The following NMNAT1 variants were observed in gnomAD, a reference collection of about 807,000 sequenced individuals.
NMNAT1 encodes nicotinamide/nicotinic acid mononucleotide adenylyltransferase 1.
In NMNAT1, 11 loss-of-function variants were observed where a neutral mutation model predicts 16.7. The ratio of observed to expected loss-of-function variants is 0.66; its 90% CI spans 0.41 to 1.09. The LOEUF (loss-of-function observed/expected upper bound fraction) is 1.09, where lower values mean the gene tolerates loss of function less well. Among genes scored for constraint, NMNAT1 ranks in the 50% least tolerant of loss-of-function variants. The pLI, the probability that NMNAT1 is intolerant of heterozygous loss-of-function variation, is 0.00. For missense variants in NMNAT1, 280 were observed against 332.3 expected, an observed-to-expected ratio of 0.84 and a Z score of 1.22; for synonymous variants, 110 against 119.8, an observed-to-expected ratio of 0.92 and a Z score of 0.53.
chr1:9,980,728 C>T lies in NMNAT1; in HGVS notation c.300-303C>T, dbSNP rs1190111505. On this transcript the variant is annotated intron_variant, in intron 3 of 4. Coordinates refer to ENST00000377205, the MANE Select transcript of NMNAT1 (RefSeq NM_022787.4). ...TTGGAGTGCAGTGGTGCGGTCTTGG[C>T]TCACTGCAACCTCTGCCTCCCAGGT... Among the ~76,000 whole-genome samples the T allele has an allele frequency of 4.0e-5, 6 of 151,620 alleles. No individual in the cohort carries two copies. The East Asian group carries it at 1.2e-3, about 30-fold the overall frequency.
At chr1:9,989,694 C>T (rs1297270535), downstream of NMNAT1, among the ~76,000 whole-genome samples, 1 of 152,172 alleles carries the variant, frequency 6.6e-6, no homozygotes. Context: ...AATTTCCATG[C>T]ATTTACCATC....
chr1:9,969,231 T>C (rs1641634587), intron 1 of NMNAT1, among the ~76,000 whole-genome samples: 1 of 152,142 alleles, frequency 6.6e-6, no homozygotes, highest in African/African-American at 2.4e-5. Context: ...CAGCTCTTTT[T>C]GAAGAAACTT....
intron 1 of NMNAT1, among the ~76,000 whole-genome samples, chr1:9,969,150 G>A (rs1417134117): frequency 3.9e-5 from 6 of 152,026 alleles, no homozygotes; most frequent in Admixed American, 1.3e-4. Flanking sequence ...AAAGACCTGC[G>A]GTACTGACAG....
intron 3 of NMNAT1, among the ~76,000 whole-genome samples, chr1:9,977,751 G>C (rs940473820): frequency 6.6e-6 from 1 of 151,996 alleles, no homozygotes; most frequent in African/African-American, 2.4e-5. Flanking sequence ...CCAGCTACTA[G>C]GGAGGCTGAG....
Position 9,982,382 on chromosome 1 carries a change from T to C in NMNAT1, c.521T>C (p.Ile174Thr). Residue 174 changes from isoleucine (I) to threonine (T), a missense_variant, in exon 5 of 5, where the codon ATC (isoleucine) becomes ACC (threonine). By Grantham distance (89) the Ile-to-Thr change is moderately conservative. Transcript: ENST00000377205. ...AVPNLWKSEDITQIVANYGLI... is the reference protein window; with the variant it reads ...AVPNLWKSEDTTQIVANYGLI... ...CCCAATTTGTGGAAGAGTGAAGACA[T>C]CACCCAAATCGTGGCCAACTATGGG... is the stretch of plus-strand genomic sequence containing the variant. 1.9e-6 allele frequency: 3 copies of C among 1,614,150 alleles called. No individual in the cohort carries two copies. The highest frequency in any genetic ancestry group is 2.5e-6 in the Non-Finnish European group (3 of 1,180,022).
Position 9,982,849 on chromosome 1 carries a change from T to C in NMNAT1, c.*148T>C, listed in dbSNP as rs1389410118. The C allele has an allele frequency of 5.1e-6, 4 of 784,466 alleles. No homozygotes were observed. In the East Asian group the frequency reaches 1.1e-4, roughly 23 times the overall value. 48.6% of individuals were successfully genotyped at this position (784,466 alleles called of 1,614,324 possible). On this transcript the variant is annotated 3_prime_UTR_variant, in exon 5 of 5. Coordinates refer to ENST00000377205, the MANE Select transcript of NMNAT1 (RefSeq NM_022787.4). Reference sequence around the variant, plus strand: ...TCGTCTGGGCACAGTGGCTCACGCCTGTAATCCCAGCACTTTGGGAGGCTG... The same window carrying C: ...TCGTCTGGGCACAGTGGCTCACGCCCGTAATCCCAGCACTTTGGGAGGCTG...
intron 2 of NMNAT1, among the ~76,000 whole-genome samples, chr1:9,973,075 T>C (rs1324182267): frequency 6.6e-6 from 1 of 152,212 alleles, no homozygotes; most frequent in East Asian, 1.9e-4. Flanking sequence ...ACATAAAACC[T>C]CTAGGATCAG....
intron 1 of NMNAT1, among the ~76,000 whole-genome samples, chr1:9,963,550 C>T (rs1477762305): frequency 1.3e-5 from 2 of 151,996 alleles, no homozygotes; most frequent in Non-Finnish European, 2.9e-5. Flanking sequence ...CCTGGGATTA[C>T]AGGCGCACAC....
At chr1:9,963,240 G>C (rs1641466805) in intron 1 of NMNAT1, among the ~76,000 whole-genome samples, 1 of 152,042 alleles carries the variant, frequency 6.6e-6, no homozygotes, top group Non-Finnish European at 1.5e-5. Flanking sequence ...TCCACTGACA[G>C]CATAAAATCT....
chr1:9,946,820 G>A (rs570326168), intron 1 of NMNAT1, among the ~76,000 whole-genome samples: 15 of 152,272 alleles, frequency 9.9e-5, no homozygotes, highest in Admixed American at 7.9e-4. Context: ...GAAAGATTAT[G>A]TGAGGACTAG....
upstream of NMNAT1, chr1:9,943,262 G>A (rs1234694): frequency 0.65 from 101,803 of 155,874 alleles, 37,820 homozygotes; most frequent in Non-Finnish European, 0.84. Flanking sequence ...ACAAAAACTG[G>A]GACAACCTCC....
rs377325572 is a variant in NMNAT1, at chr1:9,981,128, C to A, written c.397C>A (p.Gln133Lys). ...PGRKRKWTET[Q>K]DSSQKKSLEP... ...AAGGAAGAGGAAGTGGACTGAAACA[C>A]AAGATTCTAGTCAAAAGAAATCCCT... The change falls in exon 4 of 5, where the codon CAA becomes AAA. Residue 133 changes from glutamine (Q) to lysine (K), a missense_variant. Transcript: ENST00000377205. 31 of 1,613,352 alleles carry A rather than the reference C, an allele frequency of 1.9e-5. No individual in the cohort carries two copies. Among genetic ancestry groups the A allele is most frequent in the African/African-American group, 4.0e-5 (3 of 74,824 alleles).
intron 2 of NMNAT1, among the ~76,000 whole-genome samples, chr1:9,973,802 T>G (rs1641743833): frequency 6.7e-6 from 1 of 149,888 alleles, no homozygotes; most frequent in African/African-American, 2.5e-5. Context: ...AAGGGGCAGA[T>G]TACCTGAGGT....
intron 1 of NMNAT1, among the ~76,000 whole-genome samples, chr1:9,950,184 G>A (rs1264946236): frequency 3.9e-5 from 6 of 152,060 alleles, no homozygotes; most frequent in South Asian, 2.1e-4. Flanking sequence ...TCTGCCTCCC[G>A]GGTTCAAGTG....
At chr1:9,970,232 G>A (rs1641656641) in intron 1 of NMNAT1, among the ~76,000 whole-genome samples, 1 of 152,078 alleles carries the variant, frequency 6.6e-6, no homozygotes, top group Non-Finnish European at 1.5e-5. Flanking sequence ...GGCATTATAA[G>A]CACATAATGT....
In NMNAT1 at chr1:9,975,669, C is replaced by T. The variant is rs1416590269; in HGVS notation, c.193C>T (p.His65Tyr). The part of the protein sequence containing the change: ...YKKKGLIPAY[H>Y]RVIMAELATK... ...GAAGAAAGGACTCATTCCTGCCTAT[C>T]ACCGGGTCATCATGGCAGAACTTGC... Residue 65 changes from histidine to tyrosine, a missense_variant, in exon 3 of 5, where the codon CAC (histidine) becomes TAC (tyrosine). Transcript: ENST00000377205. 2.5e-6 allele frequency: 4 copies of T among 1,613,938 alleles called. No homozygotes were observed. The highest frequency in any genetic ancestry group is 3.4e-6 in the Non-Finnish European group (4 of 1,179,876).
chr1:9,944,256 A>C (rs191532935), intron 1 of NMNAT1, among the ~76,000 whole-genome samples: 2 of 152,038 alleles, frequency 1.3e-5, no homozygotes, highest in East Asian at 3.9e-4. Flanking sequence ...TCCATCTCAA[A>C]AATAAAAATA....
downstream of NMNAT1, among the ~76,000 whole-genome samples, chr1:9,990,049 G>A (rs1642090916): frequency 6.6e-6 from 1 of 152,236 alleles, no homozygotes; most frequent in Non-Finnish European, 1.5e-5. Context: ...CAGCGCCAAA[G>A]TGGCTGGCTA....
chr1:9,961,624 G>T (rs1641410199), intron 1 of NMNAT1, among the ~76,000 whole-genome samples: 1 of 152,150 alleles, frequency 6.6e-6, no homozygotes, highest in Non-Finnish European at 1.5e-5. Flanking sequence ...GTAACTGAAA[G>T]GTAAGACATT....
Sources: gnomAD v4.1 joint callset for allele counts (sites outside exome capture counted in the v4.1 genomes callset) on GRCh38, gnomAD v4.1.1 for gene constraint, MANE v1.5 for transcripts, NCBI Gene and HGNC (gene_info 2026-07-23, HGNC 2026-07-21) for gene names.